The following RFPL4AL1 variants were observed in gnomAD, a reference collection of about 807,000 sequenced individuals.
RFPL4AL1 encodes ret finger protein like 4A like 1.
In RFPL4AL1, 2 loss-of-function variants were observed where a neutral mutation model predicts 8.2. The ratio of observed to expected loss-of-function variants is 0.24; its 90% CI spans 0.10 to 0.77. The LOEUF (loss-of-function observed/expected upper bound fraction) is 0.77, where lower values mean the gene tolerates loss of function less well. Ranked by LOEUF, RFPL4AL1 falls within the 30% of genes least tolerant of loss-of-function variation. The pLI, the probability that RFPL4AL1 is intolerant of heterozygous loss-of-function variation, is 0.72. For missense variants in RFPL4AL1, 57 were observed against 350.3 expected (o/e 0.16, Z 6.68); for synonymous variants, 25 against 131.8 (o/e 0.19, Z 5.55).
intron 1 of RFPL4AL1, among the ~76,000 whole-genome samples, chr19:55,770,808 G>A (rs1429408990): frequency 2.0e-5 from 3 of 151,892 alleles, no homozygotes; most frequent in South Asian, 2.1e-4. Context: ...CACTGGATAC[G>A]TTCTCGATTC....
At chr19:55,769,788 A>G (rs1989455615) in intron 1 of RFPL4AL1, among the ~76,000 whole-genome samples, 1 of 151,590 alleles carries the variant, frequency 6.6e-6, no homozygotes, top group South Asian at 2.1e-4. Flanking sequence ...CTCAGATTCC[A>G]CATAACTGAG....
At chr19:55,771,175 G>T (rs62127019) in intron 1 of RFPL4AL1, among the ~76,000 whole-genome samples, 1 of 139,834 alleles carries the variant, frequency 7.2e-6, no homozygotes, top group African/African-American at 2.6e-5. Flanking sequence ...CTTTTGGTGT[G>T]CTATCAGGGT....
intron 2 of RFPL4AL1, among the ~76,000 whole-genome samples, 173 bp from the exon 3 acceptor site, chr19:55,772,429 G>C (rs2122667225): frequency 7.7e-6 from 1 of 129,964 alleles, no homozygotes; most frequent in East Asian, 2.2e-4. Flanking sequence ...GCAACCTATA[G>C]ATACAATTTA....
At chr19:55,771,051 G>T (rs1201458772) in intron 1 of RFPL4AL1, among the ~76,000 whole-genome samples, 2 of 150,376 alleles carry the variant, frequency 1.3e-5, no homozygotes, top group Non-Finnish European at 3.0e-5. Flanking sequence ...TCATATATAT[G>T]GCTGCTTGTT....
rs1239460721 is a variant in RFPL4AL1, at chr19:55,772,355, T to C, written c.287-247T>C. 1.4e-4 allele frequency among the ~76,000 whole-genome samples: 18 copies of C among 130,184 alleles called. No individual in the cohort carries two copies. In the South Asian group the frequency reaches 2.5e-3, roughly 18 times the overall value. 85.4% of individuals were successfully genotyped at this position (130,184 alleles called of 152,430 possible). ...AACTAATTTTCATCAAATTATCCACTAACTTATTTCGAAAGGCATTTCTAA... is the reference window on the plus strand; with the variant it reads ...AACTAATTTTCATCAAATTATCCACCAACTTATTTCGAAAGGCATTTCTAA... On this transcript the variant is annotated intron_variant, in intron 2 of 2. Coordinates refer to ENST00000341750, the MANE Select transcript of RFPL4AL1 (RefSeq NM_001277397.2).
At position 55,772,009 on chromosome 19, in the gene RFPL4AL1, G is replaced by T; in HGVS notation, c.205G>T (p.Ala69Ser). 6.6e-7 allele frequency: 1 copy of T among 1,520,252 alleles called. No individual in the cohort carries two copies. Among genetic ancestry groups the T allele is most frequent in the Non-Finnish European group, 8.9e-7 (1 of 1,126,464 alleles). The allele number at this position is 1,520,252 out of a possible 1,614,324, so 94.2% of individuals were successfully genotyped here. A position where few individuals can be genotyped will look rare whatever the true frequency, so the allele number is the denominator to read the frequency against. ...DDIKPKYKLR[A>S]LVSIIKELEP... ...CATCAAGCCCAAGTACAAGCTGAGG[G>T]CGCTGGTTTCCATCATCAAGGAACT... Residue 69 changes from alanine to serine, a missense_variant, in exon 2 of 3, where the codon GCG becomes TCG. Transcript: ENST00000341750.
At chr19:55,771,079 G>GTTTTTTTTTTTT (rs1243816491) in intron 1 of RFPL4AL1, among the ~76,000 whole-genome samples, 13 of 89,546 alleles carry the variant, frequency 1.5e-4, no homozygotes, top group Non-Finnish European at 2.2e-4. Context: ...TTTTAGTTCT[G>GTTTTTTTTTTTT]TTTTTTGTTT....
At position 55,772,151 on chromosome 19, in the gene RFPL4AL1, C is replaced by G; in HGVS notation, c.286+61C>G. On this transcript the variant is annotated intron_variant, in intron 2 of 2. Transcript: ENST00000341750. ...AGGCACTGGGAAAACGACTTTCAAA[C>G]ATTTCTTCATTAAACATAGGCATTA... The G allele has an allele frequency of 2.5e-5, 36 of 1,462,118 alleles. 6 individuals are homozygous for G. Among genetic ancestry groups the G allele is most frequent in the Non-Finnish European group, 3.3e-5 (36 of 1,082,794 alleles). 90.6% of individuals were successfully genotyped at this position (1,462,118 alleles called of 1,614,324 possible).
chr19:55,770,792 A>T (rs1472692043), intron 1 of RFPL4AL1, among the ~76,000 whole-genome samples: 2 of 151,894 alleles, frequency 1.3e-5, no homozygotes, highest in Non-Finnish European at 2.9e-5. Context: ...TCTCATGTGA[A>T]ATTGTCACTG....
intron 1 of RFPL4AL1, among the ~76,000 whole-genome samples, chr19:55,770,046 T>A (rs1354457838): frequency 6.6e-6 from 1 of 151,980 alleles, no homozygotes; most frequent in African/African-American, 2.4e-5. Context: ...CCTCTTTCTT[T>A]CACATAGAAA....
intron 1 of RFPL4AL1, among the ~76,000 whole-genome samples, chr19:55,770,677 A>G (rs1220325428): frequency 1.3e-5 from 2 of 151,972 alleles, no homozygotes; most frequent in Non-Finnish European, 2.9e-5. Flanking sequence ...AATGCTTTGA[A>G]ACAGCTTAAC....
rs1228014463 is a variant in RFPL4AL1, at chr19:55,771,798, A to G, written c.-7A>G. 3.9e-6 allele frequency: 6 copies of G among 1,551,314 alleles called. No homozygotes were observed. The highest frequency in any genetic ancestry group is 4.9e-5 in the East Asian group (2 of 40,920). On this transcript the variant is annotated splice_region_variant and 5_prime_UTR_variant, in exon 2 of 3. Coordinates refer to ENST00000341750, the MANE Select transcript of RFPL4AL1 (RefSeq NM_001277397.2). ...CGTGTTCATTTTTTTTTCTACAGAC[A>G]TTTGCCATGGCTGAGCACTTCAAAC...
chr19:55,769,491 C>T lies in RFPL4AL1; in HGVS notation c.-10+316C>T, dbSNP rs1373506169. Among the ~76,000 whole-genome samples the T allele has an allele frequency of 1.3e-5, 2 of 151,540 alleles. 1 individual carries two copies. The highest frequency in any genetic ancestry group is 4.9e-5 in the African/African-American group (2 of 41,226). On this transcript the variant is annotated intron_variant, in intron 1 of 2. Transcript: ENST00000341750. The stretch of plus-strand genomic sequence containing the variant: ...TTTCCTATGGGTTTGGTATTGTTTT[C>T]CTATTCTCCCCTTCCCACAACCCCT...
At chr19:55,769,916 A>G (rs537209995) in intron 1 of RFPL4AL1, among the ~76,000 whole-genome samples, 1 of 150,554 alleles carries the variant, frequency 6.6e-6, no homozygotes, top group African/African-American at 2.5e-5. Context: ...GAATAATCCA[A>G]TGTATATATC....
At chr19:55,770,617 C>G (rs1476791050) in intron 1 of RFPL4AL1, among the ~76,000 whole-genome samples, 2 of 151,894 alleles carry the variant, frequency 1.3e-5, no homozygotes, top group East Asian at 3.8e-4. Context: ...AGCCGTGACA[C>G]TGCAGAGTGT....
intron 1 of RFPL4AL1, among the ~76,000 whole-genome samples, chr19:55,771,192 C>T (rs144183317): frequency 2.2e-3 from 325 of 149,520 alleles, no homozygotes; most frequent in African/African-American, 7.2e-3. Context: ...GGGTTTTCAC[C>T]ACATGCAGTT....
intron 1 of RFPL4AL1, among the ~76,000 whole-genome samples, chr19:55,770,410 A>C (rs1989469115): frequency 6.6e-6 from 1 of 151,948 alleles, no homozygotes; most frequent in Non-Finnish European, 1.5e-5. Flanking sequence ...ATTCCAGAGC[A>C]AAAGCACACT....
At chr19:55,769,321 C>G (rs1220435406) in intron 1 of RFPL4AL1, 146 bp downstream of exon 1, 1 of 152,004 alleles carries the variant, frequency 6.6e-6, no homozygotes, top group African/African-American at 2.4e-5. Flanking sequence ...GGACCTCTGC[C>G]CTGGTAACGG....
In RFPL4AL1 at chr19:55,772,868, G is replaced by A. The variant is rs1430194931; in HGVS notation, c.553G>A (p.Gly185Ser). 10 of 1,550,520 alleles carry A rather than the reference G, an allele frequency of 6.4e-6. No homozygotes were observed. In the Admixed American group the frequency reaches 1.4e-4, roughly 21 times the overall value. The change falls in exon 3 of 3, where the codon GGC becomes AGC. Residue 185 changes from glycine (G) to serine (S), a missense_variant. Physicochemically the swap from Gly to Ser is moderately conservative, Grantham distance 56. Transcript: ENST00000341750. The stretch of plus-strand genomic sequence containing the variant: ...GAAGATTGAGCTTTCTTCAGAACAC[G>A]GCTTCTTGACTGTGGGTTGCAGAGA... ...QGKIELSSEH[G>S]FLTVGCREGK...
Sources: allele counts gnomAD v4.1 joint callset (sites outside exome capture counted in the v4.1 genomes callset), GRCh38; gene constraint gnomAD v4.1.1; transcripts MANE v1.5; gene names NCBI Gene and HGNC (gene_info 2026-07-23, HGNC 2026-07-21).